Variants in DDX59 observed in about 807,000 individuals in gnomAD.
The protein encoded by DDX59 is probable ATP-dependent RNA helicase DDX59.
DDX59 carries 30 observed loss-of-function variants against 51.9 expected under a neutral mutation model. That is an observed-to-expected ratio of 0.58 (90% confidence interval 0.43 to 0.78). The LOEUF (loss-of-function observed/expected upper bound fraction) is 0.78. Among genes scored for constraint, DDX59 ranks in the 30% least tolerant of loss-of-function variants. The probability of loss-of-function intolerance (pLI) is 0.00; values close to 1 mark genes in which losing one functional copy is unlikely to be tolerated. For missense variants in DDX59, 672 were observed against 730.8 expected, an observed-to-expected ratio of 0.92 and a Z score of 0.93; for synonymous variants, 255 against 253.3, an observed-to-expected ratio of 1.01 and a Z score of -0.06.
chr1:200,668,839 T>C (rs1025857381), intron 1 of DDX59, among the ~76,000 whole-genome samples: 1 of 152,242 alleles, frequency 6.6e-6, no homozygotes, highest in African/African-American at 2.4e-5. Context: ...CCTTTATCTC[T>C]AGCCTGAACA....
rs138787592 is a variant in DDX59, at chr1:200,644,119, AAT to A, written c.*133_*134del. On this transcript the variant is annotated 3_prime_UTR_variant, in exon 8 of 8. Transcript: ENST00000331314. ...TATAAGAATTAAGGGAAATAAATACAATATAGTTATATAAATTTTATTAAATT... is the reference window on the plus strand; with the variant it reads ...TATAAGAATTAAGGGAAATAAATACAATAGTTATATAAATTTTATTAAATT... 0.079 allele frequency: 54,639 copies of A among 688,678 alleles called. 3,992 individuals are homozygous for A. Among genetic ancestry groups the A allele is most frequent in the East Asian group, 0.41 (8,360 of 20,188 alleles). 42.7% of individuals were successfully genotyped at this position (688,678 alleles called of 1,614,324 possible). A position where few individuals can be genotyped will look rare whatever the true frequency, so the allele number is the denominator to read the frequency against.
At chr1:200,642,377 CTT>C (rs1661075085), downstream of DDX59, among the ~76,000 whole-genome samples, 1 of 152,038 alleles carries the variant, frequency 6.6e-6, no homozygotes, top group Admixed American at 6.6e-5. Context: ...GTCCTTCTCT[CTT>C]GTTTAGTACT....
At chr1:200,661,354 C>T (rs914566550) in intron 3 of DDX59, among the ~76,000 whole-genome samples, 1 of 131,668 alleles carries the variant, frequency 7.6e-6, no homozygotes, top group East Asian at 1.9e-4. Context: ...TCAAAGTACA[C>T]CTCAAAGTAC....
chr1:200,647,958 A>G lies in DDX59; in HGVS notation c.1596+481T>C, dbSNP rs182907266. Among the ~76,000 whole-genome samples the G allele has an allele frequency of 5.1e-4, 71 of 140,264 alleles. No individual in the cohort carries two copies. The East Asian group carries it at 0.016, about 32-fold the overall frequency. 92.0% of individuals were successfully genotyped at this position (140,264 alleles called of 152,430 possible). A position where few individuals can be genotyped will look rare whatever the true frequency, so the allele number is the denominator to read the frequency against. ...CACTGCACTCCAGCTTGGGTAACAG[A>G]GTGAGACTGTCTCAAAAAAAAAAAA... On this transcript the variant is annotated intron_variant, in intron 7 of 7. Transcript: ENST00000331314.
At position 200,646,355 on chromosome 1, in the gene DDX59, A is replaced by C. The variant is rs116721520; in HGVS notation, c.1597-1838T>G. Among the ~76,000 whole-genome samples, 1,354 of 152,220 alleles carry C rather than the reference A, an allele frequency of 8.9e-3. 8 individuals carry two copies. The highest frequency in any genetic ancestry group is 0.011 in the Non-Finnish European group (734 of 68,010). ...TCTCTTAAAAAAACAAACAAACAAAAAAAAAACTTGCAAATCATGTTTTTG... is the reference window on the plus strand; with the variant it reads ...TCTCTTAAAAAAACAAACAAACAAACAAAAAACTTGCAAATCATGTTTTTG... On this transcript the variant is annotated intron_variant, in intron 7 of 7. Transcript: ENST00000331314.
chr1:200,664,058 G>A lies in DDX59; in HGVS notation c.833C>T (p.Thr278Ile), dbSNP rs1662554841. ...ESKTPSALILTPTRELAIQIE... is the reference protein window; with the variant it reads ...ESKTPSALILIPTRELAIQIE... ...CTGAATGGCTAACTCTCTGGTTGGT[G>A]TAAGAATGAGCGCAGATGGAGTTTT... is the stretch of plus-strand genomic sequence containing the variant. Residue 278 changes from threonine to isoleucine, a missense_variant, in exon 3 of 8, where the codon ACA (threonine) becomes ATA (isoleucine). Physicochemically the swap from Thr to Ile is moderately conservative, Grantham distance 89. Transcript: ENST00000331314. 1.2e-6 allele frequency: 2 copies of A among 1,613,702 alleles called. No individual in the cohort carries two copies. Among genetic ancestry groups the A allele is most frequent in the Admixed American group, 1.7e-5 (1 of 59,850 alleles).
chr1:200,653,138 C>T (rs1661776135), intron 4 of DDX59, among the ~76,000 whole-genome samples: 1 of 152,168 alleles, frequency 6.6e-6, no homozygotes, highest in Admixed American at 6.6e-5. Context: ...CAACAAATTC[C>T]ACGGCTCTGA....
intron 4 of DDX59, among the ~76,000 whole-genome samples, chr1:200,652,020 A>C (rs896356926): frequency 4.6e-5 from 7 of 152,174 alleles, no homozygotes; most frequent in African/African-American, 1.7e-4. Context: ...AAAAAAAAAA[A>C]AAAAAAAAGA....
chr1:200,658,540 C>A (rs1662177191), intron 4 of DDX59, among the ~76,000 whole-genome samples: 1 of 151,982 alleles, frequency 6.6e-6, no homozygotes. Context: ...TCTACAAAAA[C>A]CAAATTAGCC....
chr1:200,662,065 C>G (rs1662410011), intron 3 of DDX59, among the ~76,000 whole-genome samples: 1 of 152,206 alleles, frequency 6.6e-6, no homozygotes, highest in Non-Finnish European at 1.5e-5. Flanking sequence ...TGATTGGAAG[C>G]TTCCTGAGGC....
chr1:200,669,327 C>G (rs1020177053), intron 1 of DDX59, among the ~76,000 whole-genome samples: 15 of 152,162 alleles, frequency 9.9e-5, no homozygotes, highest in African/African-American at 3.6e-4. Context: ...GAATTACTAT[C>G]CTAAATCTCC....
intron 3 of DDX59, among the ~76,000 whole-genome samples, chr1:200,662,056 G>A (rs930127057): frequency 7.9e-5 from 12 of 152,168 alleles, no homozygotes; most frequent in African/African-American, 2.4e-4. Flanking sequence ...CTTCTGCCAT[G>A]ATTGGAAGCT....
In DDX59 at chr1:200,666,257, G is replaced by T; in HGVS notation, c.484C>A (p.Leu162Met). The T allele has an allele frequency of 6.2e-7, 1 of 1,614,244 alleles. No individual in the cohort carries two copies. The highest frequency in any genetic ancestry group is 8.5e-7 in the Non-Finnish European group (1 of 1,180,050). Residue 162 changes from leucine (L) to methionine (M), a missense_variant, in exon 2 of 8, where the codon CTG becomes ATG. Leu to Met is a conservative substitution (Grantham distance 15, BLOSUM62 2). Coordinates refer to ENST00000331314, the MANE Select transcript of DDX59 (RefSeq NM_001031725.6). ...QKADSEPESPLNASYVYKEHP... is the reference protein window; with the variant it reads ...QKADSEPESPMNASYVYKEHP... ...TCTTTGTAGACATAGGAAGCATTCA[G>T]TGGAGACTCTGGCTCAGAATCAGCC...
chr1:200,649,366 C>A, intron 5 of DDX59, 140 bp from the exon 6 acceptor site: 6 of 784,186 alleles, frequency 7.7e-6, no homozygotes, highest in South Asian at 2.2e-5. Context: ...CGGTGGCTCA[C>A]ACCTGTAATC....
Position 200,656,316 on chromosome 1 carries a change from G to T in DDX59, c.1062+2711C>A, listed in dbSNP as rs565151529. 3.9e-5 allele frequency among the ~76,000 whole-genome samples: 6 copies of T among 152,262 alleles called. No individual in the cohort carries two copies. In the East Asian group the frequency reaches 9.6e-4, roughly 24 times the overall value. On this transcript the variant is annotated intron_variant, in intron 4 of 7. Coordinates refer to ENST00000331314, the MANE Select transcript of DDX59 (RefSeq NM_001031725.6). ...GATATTTACCATCTGGTCCTTTACA[G>T]AAAGTGTTTGCCAACCCCTGGCCTA...
chr1:200,669,280 C>T (rs1466295000), intron 1 of DDX59, among the ~76,000 whole-genome samples: 1 of 152,100 alleles, frequency 6.6e-6, no homozygotes, highest in African/African-American at 2.4e-5. Flanking sequence ...ATTCCAACTT[C>T]CAGAAAAATT....
chr1:200,656,435 A>G (rs1027489943), intron 4 of DDX59, among the ~76,000 whole-genome samples: 1 of 152,154 alleles, frequency 6.6e-6, no homozygotes, highest in African/African-American at 2.4e-5. Context: ...AGATTTCAGC[A>G]CCTTGTAGGC....
intron 7 of DDX59, among the ~76,000 whole-genome samples, chr1:200,647,706 T>C (rs534325659): frequency 2.0e-5 from 3 of 152,004 alleles, no homozygotes; most frequent in African/African-American, 7.2e-5. Context: ...GCGTGGTGGC[T>C]CACGCCTGTA....
At chr1:200,655,187 GA>G (rs1395623909) in intron 4 of DDX59, 1 of 152,096 alleles carries the variant, frequency 6.6e-6, no homozygotes, top group African/African-American at 2.4e-5. Context: ...TTACTACCAA[GA>G]CCCAGATTTG....
Sources: allele counts gnomAD v4.1 joint callset (sites outside exome capture counted in the v4.1 genomes callset), GRCh38; gene constraint gnomAD v4.1.1; transcripts MANE v1.5; gene names NCBI Gene and HGNC (gene_info 2026-07-23, HGNC 2026-07-21).